Variants in KLK15 observed in about 807,000 individuals in gnomAD.
KLK15 encodes the protein kallikrein related peptidase 15, also known as kallikrein-15.
KLK15 carries 19 observed loss-of-function variants against 21.1 expected under a neutral mutation model. The observed-to-expected ratio is 0.90, with a 90% CI of 0.63 to 1.32. The LOEUF is 1.32. Among genes scored for constraint, KLK15 ranks in the 40% most tolerant of loss-of-function variants. KLK15 has a pLI of 0.00. For synonymous variants in KLK15, 141 were observed against 141.5 expected, an observed-to-expected ratio of 1.00 and a Z score of 0.03; for missense variants, 345 against 348.6, an observed-to-expected ratio of 0.99 and a Z score of 0.08.
At chr19:50,826,833 T>C in intron 3 of KLK15, 45 bp downstream of exon 4, 1 of 1,560,626 alleles carries the variant, frequency 6.4e-7, no homozygotes. Context: ...CCCTGGAGCA[T>C]AGGATTCCTT....
intron 2 of KLK15, 24 bp downstream of exon 3, chr19:50,827,638 G>T: frequency 1.2e-6 from 2 of 1,606,704 alleles, no homozygotes; most frequent in South Asian, 2.2e-5. Context: ...GCTCCCTCAG[G>T]ACCCTGAGCC....
At chr19:50,830,255 T>C (rs149712054) in intron 1 of KLK15, among the ~76,000 whole-genome samples, 1 of 151,690 alleles carries the variant, frequency 6.6e-6, no homozygotes. Flanking sequence ...CCCTCTCCAC[T>C]GGGCAATGTG....
At chr19:50,833,513 C>T (rs150021145), upstream of KLK15, among the ~76,000 whole-genome samples, 548 of 152,266 alleles carry the variant, frequency 3.6e-3, 1 homozygote, top group African/African-American at 0.013. Context: ...TCAGTCTTGT[C>T]TCAAAGCTCT....
In KLK15 at chr19:50,825,764, C is replaced by A; in HGVS notation, c.*32G>T. The A allele has an allele frequency of 1.9e-6, 3 of 1,599,512 alleles. No individual in the cohort carries two copies. In the South Asian group the frequency reaches 3.4e-5, roughly 18 times the overall value. On this transcript the variant is annotated 3_prime_UTR_variant, in exon 5 of 5. Coordinates refer to ENST00000598239, the Ensembl canonical transcript of KLK15. ...CTGGCCAGCTGTGGGGGCTTCTGCT[C>A]AGTCAGGGGCACAGGAGATAGGCTA... is the stretch of plus-strand genomic sequence containing the variant.
At chr19:50,831,710 G>C (rs948948443), upstream of KLK15, among the ~76,000 whole-genome samples, 1 of 152,036 alleles carries the variant, frequency 6.6e-6, no homozygotes, top group Admixed American at 6.6e-5. Flanking sequence ...TCTTCCTCTA[G>C]GCACTCGGAC....
At chr19:50,825,947 C>A (rs1392178797) in exon 5 of KLK15, 1 of 1,610,938 alleles carries the variant, frequency 6.2e-7, no homozygotes, top group Non-Finnish European at 8.5e-7. Flanking sequence ...CCCAGAGTCA[C>A]CCTGTGGGGA....
Position 50,829,322 on chromosome 19 carries a change from T to C in KLK15, c.44-1507A>G, listed in dbSNP as rs562969401. Among the ~76,000 whole-genome samples, 4 of 151,868 alleles carry C rather than the reference T, an allele frequency of 2.6e-5. No individual in the cohort carries two copies. The South Asian group carries it at 6.2e-4, about 24-fold the overall frequency. ...AGGTAGGAATGTGTATGTGTGTGTGTGCATGTGTGTATGTATGGTGAGTGA... is the reference window on the plus strand; with the variant it reads ...AGGTAGGAATGTGTATGTGTGTGTGCGCATGTGTGTATGTATGGTGAGTGA... On this transcript the variant is annotated intron_variant, in intron 1 of 4. Transcript: ENST00000598239.
rs1568482825 is a variant in KLK15, at chr19:50,825,956, G to A, written c.619-8C>T. ...GGGTCCCCCAGAGTCACCCTGTGGGGAAAAGAGGGGGTCTCAGGTTGAGTG... is the reference window on the plus strand; with the variant it reads ...GGGTCCCCCAGAGTCACCCTGTGGGAAAAAGAGGGGGTCTCAGGTTGAGTG... On this transcript the variant is annotated splice_region_variant and splice_polypyrimidine_tract_variant and intron_variant, in intron 4 of 4. Transcript: ENST00000598239. The A allele has an allele frequency of 2.5e-6, 4 of 1,608,424 alleles. No homozygotes were observed. The South Asian group carries it at 4.4e-5, about 18-fold the overall frequency.
Position 50,826,529 on chromosome 19 carries a change from T to C in KLK15, c.618+92A>G. 5 of 1,438,124 alleles carry C rather than the reference T, an allele frequency of 3.5e-6. No homozygotes were observed. In the South Asian group the frequency reaches 4.2e-5, roughly 12 times the overall value. 89.1% of individuals were successfully genotyped at this position (1,438,124 alleles called of 1,614,324 possible). On this transcript the variant is annotated intron_variant, in intron 4 of 4. Transcript: ENST00000598239. The stretch of plus-strand genomic sequence containing the variant: ...CCAAGCCTAACCCTAGCATCTTCTC[T>C]GGCCCAAAGCAAAGAAAATCCAACC...
exon 3 of KLK15, chr19:50,827,044 G>A (rs369380000): frequency 6.2e-7 from 1 of 1,606,436 alleles, no homozygotes; most frequent in Admixed American, 1.7e-5. Flanking sequence ...ACATGATGTC[G>A]TTGCGGTGGC....
intron 1 of KLK15, among the ~76,000 whole-genome samples, chr19:50,829,329 G>A (rs2089942100): frequency 6.6e-6 from 1 of 151,756 alleles, no homozygotes; most frequent in Non-Finnish European, 1.5e-5. Context: ...GTGTGCATGT[G>A]TGTATGTATG....
exon 5 of KLK15, chr19:50,825,762 C>T: frequency 6.3e-7 from 1 of 1,598,698 alleles, no homozygotes; most frequent in Non-Finnish European, 8.5e-7. Flanking sequence ...GGGGCTTCTG[C>T]TCAGTCAGGG....
At chr19:50,826,277 C>G (rs1348255755) in intron 4 of KLK15, 2 of 451,118 alleles carry the variant, frequency 4.4e-6, no homozygotes, top group Non-Finnish European at 7.8e-6. Context: ...ATCTCAAAAT[C>G]CAATCTCAAT....
chr19:50,830,147 G>T (rs930490988), intron 1 of KLK15, among the ~76,000 whole-genome samples: 2 of 139,436 alleles, frequency 1.4e-5, no homozygotes, highest in African/African-American at 5.3e-5. Flanking sequence ...TATACCCACT[G>T]CACACGTGCA....
At chr19:50,829,637 AAAATAAAT>A (rs899126369) in intron 1 of KLK15, among the ~76,000 whole-genome samples, 1 of 151,670 alleles carries the variant, frequency 6.6e-6, no homozygotes, top group Non-Finnish European at 1.5e-5. Flanking sequence ...TCTCTACTAA[AAAATAAAT>A]AAATAAATAA....
chr19:50,826,116 C>A, intron 4 of KLK15, 168 bp from the exon 6 acceptor site: 4 of 605,404 alleles, frequency 6.6e-6, no homozygotes, highest in Non-Finnish European at 1.1e-5. Flanking sequence ...GCCAACCCAA[C>A]CCCAACCCCA....
intron 4 of KLK15, 69 bp downstream of exon 5, chr19:50,826,552 A>G: frequency 6.7e-7 from 1 of 1,495,948 alleles, no homozygotes; most frequent in South Asian, 1.4e-5. Flanking sequence ...AGAAAATCCA[A>G]CCCCATCCGG....
intron 2 of KLK15, among the ~76,000 whole-genome samples, 187 bp downstream of exon 3, chr19:50,827,475 C>T (rs1262266828): frequency 6.6e-6 from 1 of 151,736 alleles, no homozygotes; most frequent in Non-Finnish European, 1.5e-5. Flanking sequence ...AACTAGTCTT[C>T]TCCTTCCTCC....
chr19:50,827,552 C>T (rs962235949), intron 2 of KLK15, 110 bp downstream of exon 3: 3 of 1,162,182 alleles, frequency 2.6e-6, no homozygotes, highest in Admixed American at 2.4e-5. Context: ...CCGGCCTCCT[C>T]GTCTTTCAGA....
Sources: gnomAD v4.1 joint callset for allele counts (sites outside exome capture counted in the v4.1 genomes callset) on GRCh38, gnomAD v4.1.1 for gene constraint, MANE v1.5 for transcripts, NCBI Gene and HGNC (gene_info 2026-07-23, HGNC 2026-07-21) for gene names.